The following KSR2 variants were observed in gnomAD, a reference collection of about 807,000 sequenced individuals.
KSR2 encodes the protein kinase suppressor of ras 2.
KSR2 carries 25 observed loss-of-function variants against 107.8 expected under a neutral mutation model. That is an observed-to-expected ratio of 0.23 (90% CI 0.17 to 0.32). The LOEUF (loss-of-function observed/expected upper bound fraction) is 0.32. Among genes scored for constraint, KSR2 ranks in the 10% least tolerant of loss-of-function variants. The pLI is 1.00. For synonymous variants in KSR2, 480 were observed against 507.0 expected (o/e 0.95, Z 0.71); for missense variants, 887 against 1,268.9 (o/e 0.70, Z 4.57).
intron 5 of KSR2, among the ~76,000 whole-genome samples, chr12:117,656,427 T>C (rs1884158197): frequency 6.6e-6 from 1 of 152,056 alleles, no homozygotes; most frequent in African/African-American, 2.4e-5. Context: ...CTGACCAACA[T>C]GGAGAAACCC....
At chr12:117,511,020 A>T (rs1873992343) in intron 14 of KSR2, among the ~76,000 whole-genome samples, 1 of 152,158 alleles carries the variant, frequency 6.6e-6, no homozygotes, top group Non-Finnish European at 1.5e-5. Context: ...CCTGGTAGGG[A>T]CTGTTAGACT....
intron 3 of KSR2, among the ~76,000 whole-genome samples, chr12:117,825,175 A>G (rs1358624206): frequency 6.6e-6 from 1 of 152,190 alleles, no homozygotes; most frequent in Non-Finnish European, 1.5e-5. Context: ...GCAAGACTCC[A>G]TCTCAAAACG....
chr12:117,723,990 A>G (rs1009470952), intron 4 of KSR2, among the ~76,000 whole-genome samples: 2 of 152,136 alleles, frequency 1.3e-5, no homozygotes, highest in Admixed American at 1.3e-4. Flanking sequence ...AAAACATAAT[A>G]TGTTTTAAAG....
intron 7 of KSR2, among the ~76,000 whole-genome samples, chr12:117,563,781 T>G (rs917484049): frequency 6.6e-6 from 1 of 151,954 alleles, no homozygotes; most frequent in Non-Finnish European, 1.5e-5. Flanking sequence ...TCCAGCCCCC[T>G]CTCTCATGGG....
chr12:117,605,810 C>A (rs1881197896), intron 5 of KSR2, among the ~76,000 whole-genome samples: 1 of 152,168 alleles, frequency 6.6e-6, no homozygotes, highest in Non-Finnish European at 1.5e-5. Flanking sequence ...GGAATGAGAT[C>A]ATGACCTTTG....
chr12:117,854,320 T>G (rs182197490), intron 3 of KSR2, among the ~76,000 whole-genome samples: 203 of 152,304 alleles, frequency 1.3e-3, no homozygotes, highest in African/African-American at 4.8e-3. Flanking sequence ...TGGTCCCTTT[T>G]GATGCTGACT....
intron 4 of KSR2, among the ~76,000 whole-genome samples, chr12:117,742,087 T>C (rs1208181380): frequency 6.6e-6 from 1 of 152,226 alleles, no homozygotes; most frequent in Non-Finnish European, 1.5e-5. Context: ...ACTTCGCTTC[T>C]ATAGCATCCC....
intron 3 of KSR2, among the ~76,000 whole-genome samples, chr12:117,817,344 TTC>T (rs1051909863): frequency 1.3e-5 from 2 of 152,220 alleles, no homozygotes; most frequent in Non-Finnish European, 1.5e-5. Flanking sequence ...TAATGATTTG[TTC>T]TCTCTCTCTT....
At position 117,855,540 on chromosome 12, in the gene KSR2, C is replaced by G; in HGVS notation, c.360G>C (p.Leu120Phe). 6.2e-7 allele frequency: 1 copy of G among 1,614,056 alleles called. No individual in the cohort carries two copies. Among genetic ancestry groups the G allele is most frequent in the Non-Finnish European group, 8.5e-7 (1 of 1,179,906 alleles). ...CGCACACCTGTTCATCCGTCATCTCCAAGAGGTCCTCCAGGCTCAGCTGGC... is the reference window on the plus strand; with the variant it reads ...CGCACACCTGTTCATCCGTCATCTCGAAGAGGTCCTCCAGGCTCAGCTGGC... ...SPGQLSLEDL[L>F]EMTDEQVCET... is the part of the protein sequence containing the mutation. Residue 120 changes from leucine (L) to phenylalanine (F), a missense_variant, in exon 3 of 20, where the codon TTG becomes TTC. Coordinates refer to ENST00000339824, the MANE Select transcript of KSR2 (RefSeq NM_173598.6).
intron 3 of KSR2, among the ~76,000 whole-genome samples, chr12:117,762,540 T>C (rs536069860): frequency 6.6e-6 from 1 of 152,250 alleles, no homozygotes; most frequent in African/African-American, 2.4e-5. Context: ...TTATTGGTGC[T>C]GGGAGGGAAA....
Position 117,727,743 on chromosome 12 carries a change from G to A in KSR2, c.986+33268C>T, listed in dbSNP as rs578073598. ...GGACTTCTGGCCTCTGGAACTGTGA[G>A]ACAATGGAATTCTGTTGTTTTAAGT... On this transcript the variant is annotated intron_variant, in intron 4 of 19. Coordinates refer to ENST00000339824, the MANE Select transcript of KSR2 (RefSeq NM_173598.6). Among the ~76,000 whole-genome samples, 15 of 152,262 alleles carry A rather than the reference G, an allele frequency of 9.9e-5. No individual in the cohort carries two copies. In the South Asian group the frequency reaches 2.7e-3, roughly 27 times the overall value.
At chr12:117,509,605 A>G (rs1040568506) in intron 14 of KSR2, among the ~76,000 whole-genome samples, 9 of 152,216 alleles carry the variant, frequency 5.9e-5, no homozygotes, top group Non-Finnish European at 1.3e-4. Flanking sequence ...GATCAGACCC[A>G]GGGAACTGAG....
In KSR2 at chr12:117,906,608, A is replaced by G. The variant is rs372946834; in HGVS notation, c.181-46177T>C. ...GCTACAAGAGCAAAACTCCTTCTCA[A>G]AAAAAAAAAACTGCTTGCCTTCACA... On this transcript the variant is annotated intron_variant, in intron 1 of 19. Coordinates refer to ENST00000339824, the MANE Select transcript of KSR2 (RefSeq NM_173598.6). Among the ~76,000 whole-genome samples the G allele has an allele frequency of 2.7e-5, 4 of 150,904 alleles. No homozygotes were observed. In the East Asian group the frequency reaches 7.8e-4, roughly 29 times the overall value.
intron 14 of KSR2, among the ~76,000 whole-genome samples, chr12:117,495,250 A>G (rs2137163868): frequency 6.6e-6 from 1 of 152,310 alleles, no homozygotes; most frequent in South Asian, 2.1e-4. Flanking sequence ...GAGTAAATAA[A>G]TCACATTCCA....
chr12:117,567,580 C>T (rs902509519), intron 7 of KSR2, among the ~76,000 whole-genome samples: 4 of 151,898 alleles, frequency 2.6e-5, no homozygotes, highest in Non-Finnish European at 5.9e-5. Flanking sequence ...CAGCAAAGTT[C>T]CCCTCTCATT....
At chr12:117,899,242 C>T (rs1270236945) in intron 1 of KSR2, among the ~76,000 whole-genome samples, 2 of 152,104 alleles carry the variant, frequency 1.3e-5, no homozygotes, top group Admixed American at 1.3e-4. Flanking sequence ...GCTTGTAATC[C>T]TACTCTTTGT....
chr12:117,561,673 T>G (rs1878128571), intron 7 of KSR2, among the ~76,000 whole-genome samples: 1 of 152,198 alleles, frequency 6.6e-6, no homozygotes, highest in African/African-American at 2.4e-5. Flanking sequence ...TGCCCTTCTT[T>G]GAGACAAGCC....
chr12:117,718,840 C>T (rs185339268), intron 4 of KSR2, among the ~76,000 whole-genome samples: 13 of 152,270 alleles, frequency 8.5e-5, no homozygotes, highest in African/African-American at 1.4e-4. Flanking sequence ...TGTTGATCCC[C>T]GCTATGTCCC....
chr12:117,695,944 C>A (rs1886039175), intron 4 of KSR2, among the ~76,000 whole-genome samples: 1 of 152,160 alleles, frequency 6.6e-6, no homozygotes, highest in African/African-American at 2.4e-5. Context: ...GGAAGCTGAA[C>A]TTGTGCAAGT....
Sources: allele counts gnomAD v4.1 joint callset (sites outside exome capture counted in the v4.1 genomes callset), GRCh38; gene constraint gnomAD v4.1.1; transcripts MANE v1.5; gene names NCBI Gene and HGNC (gene_info 2026-07-23, HGNC 2026-07-21).